The following KMT2C variants were observed in gnomAD, a reference collection of about 807,000 sequenced individuals.
KMT2C encodes lysine methyltransferase 2C.
KMT2C carries 88 observed loss-of-function variants against 507.9 expected under a neutral mutation model. The ratio of observed to expected loss-of-function variants is 0.17; its 90% CI spans 0.15 to 0.21. The LOEUF is 0.21. Among genes scored for constraint, KMT2C ranks in the 10% least tolerant of loss-of-function variants. The pLI, the probability that KMT2C is intolerant of heterozygous loss-of-function variation, is 1.00. For synonymous variants in KMT2C, 2,049 were observed against 2,080.8 expected, an observed-to-expected ratio of 0.98 and a Z score of 0.42; for missense variants, 4,954 against 5,957.8, an observed-to-expected ratio of 0.83 and a Z score of 5.55.
intron 1 of KMT2C, among the ~76,000 whole-genome samples, chr7:152,421,686 T>G (rs1024089297): frequency 1.3e-5 from 2 of 152,146 alleles, no homozygotes; most frequent in African/African-American, 2.4e-5. Context: ...AGCTAAACAC[T>G]AAGTACATGT....
intron 1 of KMT2C, among the ~76,000 whole-genome samples, chr7:152,426,105 G>A (rs865787065): frequency 1.2e-4 from 18 of 151,972 alleles, no homozygotes; most frequent in Non-Finnish European, 8.8e-5. Context: ...ATTTCATAGA[G>A]ATTTCTGCTG....
intron 39 of KMT2C, 148 bp downstream of exon 39, chr7:152,173,983 T>C: frequency 2.0e-6 from 1 of 492,068 alleles, no homozygotes; most frequent in Non-Finnish European, 3.6e-6. Flanking sequence ...TTGTATCTGA[T>C]CATATCGAGC....
intron 1 of KMT2C, among the ~76,000 whole-genome samples, chr7:152,423,404 A>G (rs1454641294): frequency 5.3e-5 from 8 of 152,224 alleles, no homozygotes; most frequent in Non-Finnish European, 1.2e-4. Flanking sequence ...GAACTCTGTG[A>G]TAGTTCTAGC....
At chr7:152,156,872 T>C (rs1037628646) in intron 44 of KMT2C, among the ~76,000 whole-genome samples, 6 of 152,106 alleles carry the variant, frequency 3.9e-5, no homozygotes, top group African/African-American at 1.4e-4. Flanking sequence ...CTAAAGTAAC[T>C]AAATCATTAA....
At position 152,180,829 on chromosome 7, in the gene KMT2C, G is replaced by A. The variant is rs773409339; in HGVS notation, c.7031C>T (p.Ser2344Phe). Residue 2344 changes from serine to phenylalanine, a missense_variant, in exon 36 of 59, where the codon TCC becomes TTC. Transcript: ENST00000262189. ...FCASSNSPMH[S>F]QGQQFSGVSQ... is the part of the protein sequence containing the mutation. ...GACACCAGAGAACTGCTGGCCTTGG[G>A]AGTGCATTGGAGAGTTTGAAGATGC... The A allele has an allele frequency of 5.0e-6, 8 of 1,614,182 alleles. No individual in the cohort carries two copies. Among genetic ancestry groups the A allele is most frequent in the Non-Finnish European group, 6.8e-6 (8 of 1,180,030 alleles).
intron 6 of KMT2C, among the ~76,000 whole-genome samples, chr7:152,276,806 T>C (rs2096089778): frequency 2.0e-5 from 3 of 152,108 alleles, no homozygotes; most frequent in African/African-American, 7.2e-5. Flanking sequence ...AAATGGTTTA[T>C]TTGAATCAAT....
chr7:152,309,815 C>T, intron 6 of KMT2C, 151 bp downstream of exon 6: 1 of 560,420 alleles, frequency 1.8e-6, no homozygotes, highest in Non-Finnish European at 3.1e-6. Flanking sequence ...GCCACCATAC[C>T]TGGCCTAGAA....
intron 43 of KMT2C, among the ~76,000 whole-genome samples, chr7:152,161,765 G>T (rs1042397022): frequency 2.0e-5 from 3 of 152,092 alleles, no homozygotes; most frequent in Non-Finnish European, 2.9e-5. Flanking sequence ...ATTTTAAAGA[G>T]GTTAATGGAA....
intron 27 of KMT2C, among the ~76,000 whole-genome samples, chr7:152,198,877 C>T (rs960655504): frequency 1.3e-5 from 2 of 152,126 alleles, no homozygotes; most frequent in Non-Finnish European, 2.9e-5. Context: ...ACTGTAGTAA[C>T]ACAGTATGCC....
intron 14 of KMT2C, among the ~76,000 whole-genome samples, chr7:152,243,998 T>G (rs2095429143): frequency 6.6e-6 from 1 of 152,150 alleles, no homozygotes; most frequent in Non-Finnish European, 1.5e-5. Flanking sequence ...GACCTAAGAT[T>G]ATTATCTCAG....
intron 1 of KMT2C, among the ~76,000 whole-genome samples, chr7:152,375,673 T>C (rs183238561): frequency 2.1e-4 from 32 of 152,004 alleles, no homozygotes; most frequent in Non-Finnish European, 2.5e-4. Context: ...GTGTGAGCCA[T>C]AGTACCCAGC....
intron 1 of KMT2C, among the ~76,000 whole-genome samples, chr7:152,363,126 T>C (rs1047346859): frequency 3.3e-5 from 5 of 152,192 alleles, no homozygotes; most frequent in Admixed American, 1.3e-4. Context: ...AACAGCAAAA[T>C]AGATACATGT....
chr7:152,431,098 A>T (rs1303371974), intron 1 of KMT2C, among the ~76,000 whole-genome samples: 1 of 152,194 alleles, frequency 6.6e-6, no homozygotes, highest in Non-Finnish European at 1.5e-5. Flanking sequence ...ACGAAAATGT[A>T]ATAAATCACA....
chr7:152,171,424 A>AAT, intron 39 of KMT2C, 82 bp from the exon 40 acceptor site: 1 of 860,632 alleles, frequency 1.2e-6, no homozygotes, highest in Non-Finnish European at 1.7e-6. Flanking sequence ...TTAGGTGCTT[A>AAT]ACAGTTTTCT....
chr7:152,166,149 A>C (rs1168748223), intron 42 of KMT2C, among the ~76,000 whole-genome samples: 3 of 132,934 alleles, frequency 2.3e-5, no homozygotes, highest in African/African-American at 8.9e-5. Context: ...TTTGAGATGG[A>C]GTCTCACTTT....
chr7:152,172,796 T>C (rs1025491243), intron 39 of KMT2C, among the ~76,000 whole-genome samples: 16 of 152,328 alleles, frequency 1.1e-4, no homozygotes, highest in East Asian at 5.8e-4. Flanking sequence ...CTATCACCAA[T>C]AGAAGACAGA....
chr7:152,318,626 CAAAAAAAAAAAA>C (rs67446037), intron 3 of KMT2C, among the ~76,000 whole-genome samples: 1 of 54,422 alleles, frequency 1.8e-5, no homozygotes, highest in East Asian at 4.4e-4. Context: ...GACTCCATCT[CAAAAAAAAAAAA>C]AAAAAAAAAA....
chr7:152,367,561 T>C (rs1230487497), intron 1 of KMT2C: 3 of 1,258,284 alleles, frequency 2.4e-6, no homozygotes, highest in Non-Finnish European at 3.5e-6. Context: ...CAACTCATTA[T>C]TCCTTACAGA....
intron 2 of KMT2C, among the ~76,000 whole-genome samples, chr7:152,339,167 C>T (rs985679924): frequency 2.0e-5 from 3 of 152,156 alleles, no homozygotes; most frequent in African/African-American, 4.8e-5. Flanking sequence ...TCTTTCAAAG[C>T]GTCCTACTTT....
Sources: gnomAD v4.1 joint callset for allele counts (sites outside exome capture counted in the v4.1 genomes callset) on GRCh38, gnomAD v4.1.1 for gene constraint, MANE v1.5 for transcripts, NCBI Gene and HGNC (gene_info 2026-07-23, HGNC 2026-07-21) for gene names.